Variants in PCDHA1 observed in about 807,000 individuals in gnomAD.
PCDHA1 encodes protocadherin alpha-1.
PCDHA1 carries 42 observed loss-of-function variants against 61.3 expected under a neutral mutation model. That is an observed-to-expected ratio of 0.69 (90% CI 0.54 to 0.89). PCDHA1 has a LOEUF of 0.89. Ranked by LOEUF, PCDHA1 falls within the 40% of genes least tolerant of loss-of-function variation. PCDHA1 has a pLI of 0.00. For synonymous variants in PCDHA1, 610 were observed against 553.8 expected (o/e 1.10, Z -1.43); for missense variants, 1,256 against 1,235.3 (o/e 1.02, Z -0.25).
chr5:140,803,115 G>A, intron 1 of PCDHA1: 1 of 1,613,830 alleles, frequency 6.2e-7, no homozygotes. Context: ...CCTGGACGAG[G>A]TGGACGCCCC....
At chr5:140,858,338 A>G (rs1323713253) in intron 1 of PCDHA1, 2 of 1,595,638 alleles carry the variant, frequency 1.3e-6, no homozygotes, top group African/African-American at 2.7e-5. Context: ...GGGCCTGCCC[A>G]AGGCGGACCT....
At chr5:140,958,593 A>G (rs1412529643) in intron 1 of PCDHA1, among the ~76,000 whole-genome samples, 2 of 152,214 alleles carry the variant, frequency 1.3e-5, no homozygotes, top group African/African-American at 4.8e-5. Context: ...GCTTATGATA[A>G]TTGGATCAAA....
chr5:140,849,774 G>GTA (rs2150449432), intron 1 of PCDHA1: 1 of 1,598,482 alleles, frequency 6.3e-7, no homozygotes, highest in Non-Finnish European at 8.6e-7. Context: ...GGTGGTTACC[G>GTA]CGCGGGACGG....
intron 1 of PCDHA1, chr5:140,850,823 TTC>T (rs1310925868): frequency 6.3e-7 from 1 of 1,598,142 alleles, no homozygotes; most frequent in African/African-American, 1.3e-5. Flanking sequence ...GCCCGGGCCT[TTC>T]TCCTTGTGCT....
chr5:140,882,261 AGTGTACCATGCT>A (rs1554173264), intron 1 of PCDHA1: 1 of 1,604,356 alleles, frequency 6.2e-7, no homozygotes, highest in Non-Finnish European at 8.5e-7. Flanking sequence ...AGGTTTTTGG[AGTGTACCATGCT>A]GTCTTCCTGG....
intron 1 of PCDHA1, among the ~76,000 whole-genome samples, chr5:140,952,331 T>G (rs1302386893): frequency 1.8e-5 from 2 of 112,488 alleles, no homozygotes; most frequent in African/African-American, 7.8e-5. Context: ...AGAGTGAAAC[T>G]CCATCTCAAA....
At chr5:140,997,697 T>C (rs2153948518) in intron 3 of PCDHA1, among the ~76,000 whole-genome samples, 1 of 151,394 alleles carries the variant, frequency 6.6e-6, no homozygotes. Flanking sequence ...TGTGTGTGTG[T>C]ATGTTAACAA....
At chr5:140,971,038 A>G (rs948457676) in intron 1 of PCDHA1, among the ~76,000 whole-genome samples, 4 of 152,216 alleles carry the variant, frequency 2.6e-5, no homozygotes, top group Non-Finnish European at 5.9e-5. Context: ...GAAAGCACGT[A>G]AAAGGGTTTA....
At chr5:140,850,385 G>A (rs2150481955) in intron 1 of PCDHA1, 4 of 1,598,006 alleles carry the variant, frequency 2.5e-6, no homozygotes, top group South Asian at 1.1e-5. Flanking sequence ...ACACGGGCGA[G>A]ATCAGCACAA....
intron 3 of PCDHA1, among the ~76,000 whole-genome samples, chr5:140,982,861 G>A (rs1356683030): frequency 1.3e-5 from 2 of 152,110 alleles, no homozygotes; most frequent in African/African-American, 4.8e-5. Flanking sequence ...CCTTTCAAAT[G>A]CTTAGGTCAT....
chr5:140,799,261 AC>A (rs1192187850), intron 1 of PCDHA1, among the ~76,000 whole-genome samples: 3 of 152,026 alleles, frequency 2.0e-5, no homozygotes, highest in African/African-American at 7.2e-5. Context: ...TATGGAGTCT[AC>A]TCTGCTATAA....
At chr5:140,979,710 A>G (rs1178718053) in intron 2 of PCDHA1, among the ~76,000 whole-genome samples, 1 of 152,268 alleles carries the variant, frequency 6.6e-6, no homozygotes, top group Non-Finnish European at 1.5e-5. Flanking sequence ...GAGGTGATCC[A>G]GTATCCATGC....
chr5:140,855,249 C>A (rs910025262), intron 1 of PCDHA1, among the ~76,000 whole-genome samples: 1 of 149,670 alleles, frequency 6.7e-6, no homozygotes, highest in African/African-American at 2.4e-5. Flanking sequence ...ATTGCAAGCA[C>A]TTACTATATT....
intron 1 of PCDHA1, among the ~76,000 whole-genome samples, chr5:140,960,936 T>G (rs1198055000): frequency 6.6e-6 from 1 of 152,210 alleles, no homozygotes. Flanking sequence ...CTAAGTTTAG[T>G]GAATTAGAAA....
chr5:140,937,199 G>A (rs2091405017), intron 1 of PCDHA1, among the ~76,000 whole-genome samples: 2 of 151,792 alleles, frequency 1.3e-5, no homozygotes, highest in Admixed American at 6.6e-5. Context: ...CACCATGCCC[G>A]GCTAATTTTT....
In PCDHA1 at chr5:140,808,976, G is replaced by A. The variant is rs1554124931; in HGVS notation, c.2394+20292G>A. ...CCACGTGGTGGCAAAGGTGCGCGCG[G>A]TGGATGCTGACTCGGGCTACAACGC... On this transcript the variant is annotated intron_variant, in intron 1 of 3. Coordinates refer to ENST00000504120, the MANE Select transcript of PCDHA1 (RefSeq NM_018900.4). The A allele has an allele frequency of 1.2e-6, 2 of 1,613,688 alleles. No individual in the cohort carries two copies. The highest frequency in any genetic ancestry group is 1.1e-5 in the South Asian group (1 of 91,054).
chr5:140,823,040 T>G (rs2150121625), intron 1 of PCDHA1: 1 of 1,614,210 alleles, frequency 6.2e-7, no homozygotes, highest in Middle Eastern at 1.7e-4. Context: ...GTCTATGAGC[T>G]GGTGGTGACC....
chr5:140,791,431 A>G (rs1761648752), intron 1 of PCDHA1, among the ~76,000 whole-genome samples: 1 of 152,274 alleles, frequency 6.6e-6, no homozygotes, highest in Non-Finnish European at 1.5e-5. Context: ...TGTCATAGGA[A>G]GTCCCCAATA....
rs140680694 is a variant in PCDHA1, at chr5:140,925,580, G to A, written c.2395-53369G>A. 5.4e-3 allele frequency among the ~76,000 whole-genome samples: 819 copies of A among 151,688 alleles called. 10 individuals carry two copies. The highest frequency in any genetic ancestry group is 0.019 in the African/African-American group (777 of 41,364). On this transcript the variant is annotated intron_variant, in intron 1 of 3. Transcript: ENST00000504120. ...GTTAATGGGTGCAGCACACCAACATGGCGCATGTATACATATGTAACAAAC... is the reference window on the plus strand; with the variant it reads ...GTTAATGGGTGCAGCACACCAACATAGCGCATGTATACATATGTAACAAAC...
Sources: gnomAD v4.1 joint callset for allele counts (sites outside exome capture counted in the v4.1 genomes callset) on GRCh38, gnomAD v4.1.1 for gene constraint, MANE v1.5 for transcripts, NCBI Gene and HGNC (gene_info 2026-07-23, HGNC 2026-07-21) for gene names.